FAM163B: variants seen among roughly 807,000 people sequenced by gnomAD.
FAM163B encodes the protein family with sequence similarity 163 member B.
FAM163B carries 4 observed loss-of-function variants against 7.6 expected under a neutral mutation model. The observed-to-expected ratio is 0.52, with a 90% CI of 0.26 to 1.20. FAM163B has a LOEUF of 1.20. FAM163B is among the 50% of genes most tolerant of loss of function. The pLI is 0.14. For synonymous variants in FAM163B, 120 were observed against 111.6 expected (o/e 1.07, Z -0.47); for missense variants, 250 against 243.0 (o/e 1.03, Z -0.19).
chr9:133,581,505 C>T (rs1831355477), intron 1 of FAM163B, among the ~76,000 whole-genome samples: 2 of 152,108 alleles, frequency 1.3e-5, no homozygotes, highest in Non-Finnish European at 2.9e-5. Flanking sequence ...AAAAAAATTA[C>T]CCAGCCTACG....
chr9:133,596,955 G>C (rs1831641392), intron 1 of FAM163B, among the ~76,000 whole-genome samples: 1 of 152,200 alleles, frequency 6.6e-6, no homozygotes, highest in Admixed American at 6.5e-5. Context: ...CTCTAGACTT[G>C]CCTAACAAAG....
At chr9:133,605,463 C>T (rs1289478875) in intron 1 of FAM163B, among the ~76,000 whole-genome samples, 1 of 152,202 alleles carries the variant, frequency 6.6e-6, no homozygotes, top group Non-Finnish European at 1.5e-5. Flanking sequence ...CCTGCCCAGC[C>T]TCCACCGGAG....
At position 133,591,237 on chromosome 9, in the gene FAM163B, C is replaced by A. The variant is rs367928282; in HGVS notation, c.-23-10991G>T. Among the ~76,000 whole-genome samples, 17 of 152,346 alleles carry A rather than the reference C, an allele frequency of 1.1e-4. 1 individual carries two copies. The highest frequency in any genetic ancestry group is 4.1e-4 in the African/African-American group (17 of 41,570). ...CACCTGCTATGCCCTGGCACTGGGC[C>A]CCTGTCTCCCAGCCCTCTCCATCCT... On this transcript the variant is annotated intron_variant, in intron 1 of 2. Coordinates refer to ENST00000673969, the MANE Select transcript of FAM163B (RefSeq NM_001080515.3).
chr9:133,594,768 A>G (rs9409839), intron 1 of FAM163B, among the ~76,000 whole-genome samples: 58,524 of 151,900 alleles, frequency 0.39, 11,563 homozygotes, highest in Admixed American at 0.46. Context: ...AGCCAGGAGA[A>G]GTGACCCTGA....
Position 133,594,522 on chromosome 9 carries a change from CT to C in FAM163B, c.-23-14277del, listed in dbSNP as rs567064174. ...AGCAAGCCTTTCCTGATTCCCACCC[CT>C]GAAGATGGCTCCCTCTTCTGGGCTC... On this transcript the variant is annotated intron_variant, in intron 1 of 2. Transcript: ENST00000673969. Among the ~76,000 whole-genome samples the C allele has an allele frequency of 2.5e-3, 377 of 152,112 alleles. 2 individuals are homozygous for C. The highest frequency in any genetic ancestry group is 5.0e-3 in the Admixed American group (77 of 15,302).
At position 133,577,349 on chromosome 9, in the gene FAM163B, T is replaced by G; in HGVS notation, c.*1673A>C. Among the ~76,000 whole-genome samples, 1 of 122,074 alleles carries G rather than the reference T, an allele frequency of 8.2e-6. No individual in the cohort carries two copies. The highest frequency in any genetic ancestry group is 3.2e-5 in the African/African-American group (1 of 31,472). 80.1% of individuals were successfully genotyped at this position (122,074 alleles called of 152,430 possible). On this transcript the variant is annotated 3_prime_UTR_variant, in exon 3 of 3. Coordinates refer to ENST00000673969, the MANE Select transcript of FAM163B (RefSeq NM_001080515.3). ...CAGGATGCACAGAGGAAGCCAGAGG[T>G]GTGGGCGGGCCCGGGGGGCCGGGGC...
chr9:133,595,939 G>C (rs1383603522), intron 1 of FAM163B, among the ~76,000 whole-genome samples: 1 of 152,212 alleles, frequency 6.6e-6, no homozygotes, highest in Admixed American at 6.5e-5. Context: ...TCAGCCGAAT[G>C]AGAAGTGAAT....
At chr9:133,604,293 G>A (rs956388739) in intron 1 of FAM163B, among the ~76,000 whole-genome samples, 2 of 152,020 alleles carry the variant, frequency 1.3e-5, no homozygotes, top group Non-Finnish European at 2.9e-5. Context: ...ATGGGTCCAG[G>A]TAAATCAATG....
intron 1 of FAM163B, among the ~76,000 whole-genome samples, chr9:133,597,553 C>CA (rs1429914740): frequency 6.6e-6 from 1 of 151,902 alleles, no homozygotes; most frequent in Non-Finnish European, 1.5e-5. Flanking sequence ...GGAGCTGGTG[C>CA]AAAAAACAAT....
chr9:133,599,537 G>C (rs543684001), intron 1 of FAM163B, among the ~76,000 whole-genome samples: 1 of 152,182 alleles, frequency 6.6e-6, no homozygotes, highest in South Asian at 2.1e-4. Flanking sequence ...GTGTCTGTGT[G>C]CATGTGTTGA....
chr9:133,583,703 C>T (rs1831389530), intron 1 of FAM163B, among the ~76,000 whole-genome samples: 1 of 152,224 alleles, frequency 6.6e-6, no homozygotes, highest in Non-Finnish European at 1.5e-5. Context: ...CAGGTCTCCT[C>T]CAGCGGAGAG....
chr9:133,591,797 T>C (rs1564194310), intron 1 of FAM163B, among the ~76,000 whole-genome samples: 1 of 152,134 alleles, frequency 6.6e-6, no homozygotes, highest in East Asian at 1.9e-4. Context: ...CCTCACTCCT[T>C]GGGACCAACC....
intron 1 of FAM163B, among the ~76,000 whole-genome samples, chr9:133,591,392 G>A (rs9657702): frequency 6.6e-6 from 1 of 152,100 alleles, no homozygotes; most frequent in Non-Finnish European, 1.5e-5. Context: ...TAACTGTGGC[G>A]GAGATGACAC....
chr9:133,579,596 T>C (rs1458199667), intron 2 of FAM163B, among the ~76,000 whole-genome samples, 167 bp from the exon 3 acceptor site: 1 of 152,224 alleles, frequency 6.6e-6, no homozygotes, highest in Non-Finnish European at 1.5e-5. Context: ...TGGGTCTCAC[T>C]CAGGCCAGGC....
chr9:133,607,263 G>T (rs1230196614), intron 1 of FAM163B, among the ~76,000 whole-genome samples: 2 of 152,120 alleles, frequency 1.3e-5, no homozygotes, highest in African/African-American at 2.4e-5. Flanking sequence ...CTTGCCCAAG[G>T]TCACCCAAAA....
chr9:133,582,380 C>A (rs1831369018), intron 1 of FAM163B, among the ~76,000 whole-genome samples: 1 of 152,228 alleles, frequency 6.6e-6, no homozygotes, highest in African/African-American at 2.4e-5. Flanking sequence ...AATGATCCCA[C>A]TAGGGAGCAA....
intron 1 of FAM163B, among the ~76,000 whole-genome samples, chr9:133,585,189 G>A (rs971983544): frequency 3.3e-5 from 5 of 152,276 alleles, no homozygotes; most frequent in African/African-American, 1.2e-4. Flanking sequence ...TGTCTCCTGC[G>A]GCACCGGCAC....
chr9:133,596,034 G>C (rs1048691760), intron 1 of FAM163B, among the ~76,000 whole-genome samples: 1 of 152,130 alleles, frequency 6.6e-6, no homozygotes. Context: ...GTGGCTGCGG[G>C]TGCAAGGCAG....
intron 1 of FAM163B, among the ~76,000 whole-genome samples, chr9:133,581,026 AC>A (rs1198843415): frequency 6.6e-6 from 1 of 152,230 alleles, no homozygotes. Flanking sequence ...CTTTCAGGAT[AC>A]ATTCTTAGAA....
Sources: allele counts gnomAD v4.1 joint callset (sites outside exome capture counted in the v4.1 genomes callset), GRCh38; gene constraint gnomAD v4.1.1; transcripts MANE v1.5; gene names NCBI Gene and HGNC (gene_info 2026-07-23, HGNC 2026-07-21).